Variants in MCPH1 observed in about 807,000 individuals in gnomAD.
MCPH1 encodes microcephalin 1.
Under a neutral mutation model 84.5 loss-of-function variants are expected in MCPH1, and 104 were observed. That is an observed-to-expected ratio of 1.23 (90% CI 1.05 to 1.45). The LOEUF (loss-of-function observed/expected upper bound fraction) is 1.45, where lower values mean the gene tolerates loss of function less well. MCPH1 is among the 40% of genes most tolerant of loss of function. The pLI is 0.00. For synonymous variants in MCPH1, 514 were observed against 366.8 expected, an observed-to-expected ratio of 1.40 and a Z score of -4.58; for missense variants, 1,498 against 1,005.7, an observed-to-expected ratio of 1.49 and a Z score of -6.62.
rs1190981396 is a variant in MCPH1 at position 6,441,921 on chromosome 8, G to C, written c.581-146G>C. The C allele has an allele frequency of 6.1e-6, 4 of 650,420 alleles. No homozygotes were observed. The African/African-American group carries it at 7.3e-5, about 12-fold the overall frequency. 40.3% of individuals were successfully genotyped at this position (650,420 alleles called of 1,614,324 possible). A position where few individuals can be genotyped will look rare whatever the true frequency, so the allele number is the denominator to read the frequency against. ...CTGTTGAGCTTCTGATTAGATTCAG[G>C]CAAGTTGACTTTAAGATCCCTTCTA... On this transcript the variant is annotated intron_variant, in intron 6 of 13. Coordinates refer to ENST00000344683, the MANE Select transcript of MCPH1 (RefSeq NM_024596.5).
intron 11 of MCPH1, among the ~76,000 whole-genome samples, chr8:6,481,618 C>A (rs1225636538): frequency 6.6e-6 from 1 of 152,134 alleles, no homozygotes; most frequent in Non-Finnish European, 1.5e-5. Context: ...TTCATTTAAA[C>A]CAGTAGAATT....
chr8:6,519,908 C>A, intron 12 of MCPH1: 3 of 1,613,738 alleles, frequency 1.9e-6, no homozygotes, highest in Non-Finnish European at 1.7e-6. Context: ...GTGTAGATGC[C>A]ATTCGTGGTG....
At position 6,547,780 on chromosome 8, in the gene MCPH1, C is replaced by T. The variant is rs973145460; in HGVS notation, c.2214+47851C>T. 2.0e-5 allele frequency among the ~76,000 whole-genome samples: 3 copies of T among 152,218 alleles called. No homozygotes were observed. In the South Asian group the frequency reaches 6.2e-4, roughly 32 times the overall value. ...CTCGGTGGGAACAAAAGCTCCCATG[C>T]CGGTGGGAATGCGGGGCCAGGGGAG... On this transcript the variant is annotated intron_variant, in intron 12 of 13. Transcript: ENST00000344683.
intron 3 of MCPH1, 131 bp from the exon 4 acceptor site, chr8:6,431,367 TA>T (rs1801807335): frequency 4.3e-6 from 3 of 694,830 alleles, no homozygotes; most frequent in Non-Finnish European, 7.6e-6. Context: ...CAGTTGTATT[TA>T]TTTTTTAAAA....
chr8:6,465,439 C>T (rs1405808048), intron 9 of MCPH1, among the ~76,000 whole-genome samples: 1 of 152,204 alleles, frequency 6.6e-6, no homozygotes, highest in Non-Finnish European at 1.5e-5. Context: ...CTCAGCACAT[C>T]ACCGGTATTC....
At chr8:6,603,046 T>A (rs1829493308) in intron 12 of MCPH1, among the ~76,000 whole-genome samples, 1 of 152,014 alleles carries the variant, frequency 6.6e-6, no homozygotes, top group South Asian at 2.1e-4. Flanking sequence ...ACGTCATTGC[T>A]TGCACTTTTT....
Position 6,504,174 on chromosome 8 carries a change from C to T in MCPH1, c.2214+4245C>T, listed in dbSNP as rs2515599. ...TCTACTAAAAATACAAAAAATTAGC[C>T]GGGCGTGGTGGCGGACGCCTGTAGT... is the stretch of plus-strand genomic sequence containing the variant. On this transcript the variant is annotated intron_variant, in intron 12 of 13. Transcript: ENST00000344683. Among the ~76,000 whole-genome samples, 422 of 151,842 alleles carry T rather than the reference C, an allele frequency of 2.8e-3. 4 individuals are homozygous for T. Among genetic ancestry groups the T allele is most frequent in the Non-Finnish European group, 2.8e-3 (193 of 67,934 alleles).
chr8:6,626,752 G>C (rs1183924348), intron 13 of MCPH1: 1 of 985,164 alleles, frequency 1.0e-6, no homozygotes, highest in Non-Finnish European at 1.2e-6. Context: ...CAAGCCCTTG[G>C]GTGGAGCTCT....
At chr8:6,534,526 C>A (rs949712630) in intron 12 of MCPH1, among the ~76,000 whole-genome samples, 1 of 152,110 alleles carries the variant, frequency 6.6e-6, no homozygotes, top group Non-Finnish European at 1.5e-5. Context: ...GCCTCAGCCC[C>A]CCAAAGTGCT....
intron 12 of MCPH1, among the ~76,000 whole-genome samples, chr8:6,580,306 G>T (rs1475260403): frequency 6.6e-6 from 1 of 152,008 alleles, no homozygotes; most frequent in East Asian, 1.9e-4. Flanking sequence ...GCCCTTCGCA[G>T]ATGCTCACAA....
At chr8:6,455,895 T>C (rs1360717768) in intron 9 of MCPH1, among the ~76,000 whole-genome samples, 1 of 152,148 alleles carries the variant, frequency 6.6e-6, no homozygotes, top group Non-Finnish European at 1.5e-5. Flanking sequence ...GAATTCAGAA[T>C]GGTAGGGAAA....
chr8:6,573,227 G>A (rs1826807310), intron 12 of MCPH1, among the ~76,000 whole-genome samples: 1 of 152,144 alleles, frequency 6.6e-6, no homozygotes, highest in Non-Finnish European at 1.5e-5. Flanking sequence ...ACTGAGAAAG[G>A]ACTGTGGAGT....
chr8:6,585,989 C>G (rs925254869), intron 12 of MCPH1, among the ~76,000 whole-genome samples: 1 of 152,214 alleles, frequency 6.6e-6, no homozygotes, highest in African/African-American at 2.4e-5. Context: ...GAGCTAGGGT[C>G]TCACTCTGTC....
At chr8:6,528,761 C>T (rs1054019309) in intron 12 of MCPH1, among the ~76,000 whole-genome samples, 5 of 152,210 alleles carry the variant, frequency 3.3e-5, no homozygotes, top group African/African-American at 1.2e-4. Context: ...TGCCAAGGAA[C>T]CGGAGACCTT....
At chr8:6,634,855 C>T (rs1329988377) in intron 13 of MCPH1, 2 of 152,158 alleles carry the variant, frequency 1.3e-5, no homozygotes, top group African/African-American at 2.4e-5. Flanking sequence ...ATCTTTAGAT[C>T]AATGAAAAGT....
At chr8:6,576,868 C>G (rs1827170722) in intron 12 of MCPH1, among the ~76,000 whole-genome samples, 1 of 151,926 alleles carries the variant, frequency 6.6e-6, no homozygotes, top group African/African-American at 2.4e-5. Flanking sequence ...GCCTGGCCTA[C>G]TGTCTTCTCT....
intron 8 of MCPH1, 120 bp downstream of exon 8, chr8:6,445,667 TAAAG>T: frequency 1.4e-6 from 2 of 1,454,718 alleles, no homozygotes; most frequent in Non-Finnish European, 1.8e-6. Context: ...TCTTTTTACT[TAAAG>T]AATGTGCATT....
chr8:6,421,781 G>T (rs866460596), intron 3 of MCPH1, among the ~76,000 whole-genome samples: 1 of 152,140 alleles, frequency 6.6e-6, no homozygotes, highest in African/African-American at 2.4e-5. Flanking sequence ...CCCAGGTCCA[G>T]TGTGCTGCAT....
chr8:6,496,408 C>T (rs994622026), intron 11 of MCPH1, among the ~76,000 whole-genome samples: 1 of 152,184 alleles, frequency 6.6e-6, no homozygotes, highest in Non-Finnish European at 1.5e-5. Flanking sequence ...TCACCTCCTG[C>T]TGTGTGGCCC....
Sources: gnomAD v4.1 joint callset for allele counts (sites outside exome capture counted in the v4.1 genomes callset) on GRCh38, gnomAD v4.1.1 for gene constraint, MANE v1.5 for transcripts, NCBI Gene and HGNC (gene_info 2026-07-23, HGNC 2026-07-21) for gene names.